The following CNTN5 variants were observed in gnomAD, a reference collection of about 807,000 sequenced individuals.
CNTN5 encodes contactin 5, also known as contactin-5.
Under a neutral mutation model 129.1 loss-of-function variants are expected in CNTN5, and 77 were observed. The ratio of observed to expected loss-of-function variants is 0.60; its 90% CI spans 0.50 to 0.72. The LOEUF is 0.72. Ranked by LOEUF, CNTN5 falls within the 30% of genes least tolerant of loss-of-function variation. CNTN5 has a pLI of 0.00. For missense variants in CNTN5, 1,478 were observed against 1,328.8 expected, an observed-to-expected ratio of 1.11 and a Z score of -1.75; for synonymous variants, 509 against 465.6, an observed-to-expected ratio of 1.09 and a Z score of -1.20.
At chr11:99,849,326 G>C (rs968028965) in intron 6 of CNTN5, among the ~76,000 whole-genome samples, 2 of 151,192 alleles carry the variant, frequency 1.3e-5, no homozygotes, top group Admixed American at 6.6e-5. Context: ...AAGTCACATG[G>C]CTTTTTGCAG....
chr11:99,789,956 G>T (rs1161329445), intron 3 of CNTN5, among the ~76,000 whole-genome samples: 2 of 151,892 alleles, frequency 1.3e-5, no homozygotes, highest in Admixed American at 1.3e-4. Flanking sequence ...AATCTGAAGT[G>T]TCTTTTGTTG....
chr11:99,432,454 T>TC (rs1474261010), intron 2 of CNTN5, among the ~76,000 whole-genome samples: 1 of 118,204 alleles, frequency 8.5e-6, no homozygotes, highest in African/African-American at 3.1e-5. Flanking sequence ...TCTTTTCTTT[T>TC]CTTTTCTTTC....
intron 10 of CNTN5, among the ~76,000 whole-genome samples, chr11:100,062,336 A>G (rs1943519049): frequency 6.6e-6 from 1 of 152,198 alleles, no homozygotes; most frequent in African/African-American, 2.4e-5. Context: ...AGGAACTCCT[A>G]AAGAGTATTT....
rs762957493 is a variant in CNTN5 at position 100,356,110 on chromosome 11, T to C, written c.3200-7T>C. 1.3e-6 allele frequency: 2 copies of C among 1,599,198 alleles called. No individual in the cohort carries two copies. Among genetic ancestry groups the C allele is most frequent in the African/African-American group, 2.7e-5 (2 of 74,526 alleles). The stretch of plus-strand genomic sequence containing the variant: ...ATTTGCTCCATTTGATGCTTCTTTT[T>C]TCACAGGTGGAAAAATCACAAGTGC... On this transcript the variant is annotated splice_region_variant and splice_polypyrimidine_tract_variant and intron_variant, in intron 24 of 24. Transcript: ENST00000524871.
intron 17 of CNTN5, among the ~76,000 whole-genome samples, chr11:100,258,284 T>C (rs7925147): frequency 0.68 from 103,797 of 151,962 alleles, 36,336 homozygotes; most frequent in East Asian, 0.92. Flanking sequence ...AATATGGCAC[T>C]ATGTGAAAAG....
At position 99,246,378 on chromosome 11, in the gene CNTN5, T is replaced by C. The variant is rs551191279; in HGVS notation, c.-209-78968T>C. On this transcript the variant is annotated intron_variant, in intron 1 of 24. Transcript: ENST00000524871. Reference sequence around the variant, plus strand: ...CTGTGAGCCAGCAGACCCTGGAAAATTGGCATACTAACTGTGTGATCAAGT... The same window carrying C: ...CTGTGAGCCAGCAGACCCTGGAAAACTGGCATACTAACTGTGTGATCAAGT... 5.9e-5 allele frequency among the ~76,000 whole-genome samples: 9 copies of C among 152,250 alleles called. No homozygotes were observed. The South Asian group carries it at 1.2e-3, about 21-fold the overall frequency.
At chr11:99,329,751 C>T (rs893280536) in intron 2 of CNTN5, among the ~76,000 whole-genome samples, 1 of 152,206 alleles carries the variant, frequency 6.6e-6, no homozygotes, top group South Asian at 2.1e-4. Context: ...AGGATTGACT[C>T]TGTGCTGTAA....
chr11:99,763,955 A>G (rs1168418925), intron 3 of CNTN5, among the ~76,000 whole-genome samples: 1 of 152,064 alleles, frequency 6.6e-6, no homozygotes, highest in Non-Finnish European at 1.5e-5. Context: ...TTGTTCACAT[A>G]TTTTTAAAAT....
chr11:100,206,310 A>G (rs4468315), intron 15 of CNTN5, among the ~76,000 whole-genome samples: 10,570 of 152,126 alleles, frequency 0.069, 569 homozygotes, highest in East Asian at 0.32. Flanking sequence ...TGTCTACTAA[A>G]TCCCAATAAT....
chr11:99,655,758 C>T (rs770813329), intron 3 of CNTN5, among the ~76,000 whole-genome samples: 12 of 151,946 alleles, frequency 7.9e-5, no homozygotes, highest in Non-Finnish European at 1.5e-4. Flanking sequence ...GATGTATATA[C>T]GCACACACAT....
At chr11:100,257,757 A>G (rs191231809) in intron 17 of CNTN5, among the ~76,000 whole-genome samples, 110 of 152,308 alleles carry the variant, frequency 7.2e-4, no homozygotes, top group African/African-American at 1.9e-3. Flanking sequence ...TAACAAAAAG[A>G]ATGTCCACAC....
intron 6 of CNTN5, among the ~76,000 whole-genome samples, chr11:99,893,029 T>C (rs571843157): frequency 6.6e-6 from 1 of 152,142 alleles, no homozygotes; most frequent in African/African-American, 2.4e-5. Context: ...GGAGGAAGAA[T>C]AGAATCTTTT....
At chr11:99,521,057 A>G (rs1292020075) in intron 2 of CNTN5, among the ~76,000 whole-genome samples, 1 of 152,156 alleles carries the variant, frequency 6.6e-6, no homozygotes, top group Non-Finnish European at 1.5e-5. Flanking sequence ...AATTTAGAAG[A>G]GCCAGAACCA....
chr11:100,009,203 C>T lies in CNTN5; in HGVS notation c.980+7067C>T, dbSNP rs142563716. 2.9e-3 allele frequency among the ~76,000 whole-genome samples: 448 copies of T among 152,090 alleles called. 3 individuals are homozygous for T. The highest frequency in any genetic ancestry group is 9.9e-3 in the African/African-American group (409 of 41,518). ...AACCTCTACTTAAATCTGAATTTAG[C>T]GAAAATTCAGATGTTTTCTCTACAG... On this transcript the variant is annotated intron_variant, in intron 9 of 24. Transcript: ENST00000524871.
chr11:100,294,480 G>GTATCCACA (rs1951062691), intron 18 of CNTN5, among the ~76,000 whole-genome samples: 1 of 151,642 alleles, frequency 6.6e-6, no homozygotes, highest in Non-Finnish European at 1.5e-5. Context: ...TCCACTAATG[G>GTATCCACA]ATGAGCTTTG....
intron 1 of CNTN5, among the ~76,000 whole-genome samples, chr11:99,213,374 GTATA>G (rs750396360): frequency 9.7e-6 from 1 of 103,542 alleles, no homozygotes; most frequent in Non-Finnish European, 2.0e-5. Flanking sequence ...ATGTATATAT[GTATA>G]TACATATATA....
At chr11:99,772,550 C>A (rs1355780613) in intron 3 of CNTN5, among the ~76,000 whole-genome samples, 1 of 152,028 alleles carries the variant, frequency 6.6e-6, no homozygotes, top group Non-Finnish European at 1.5e-5. Context: ...TTCACTGATA[C>A]TGCAGCTCAC....
intron 15 of CNTN5, among the ~76,000 whole-genome samples, chr11:100,202,212 A>G (rs539632589): frequency 1.1e-4 from 16 of 152,140 alleles, no homozygotes; most frequent in Admixed American, 9.2e-4. Context: ...GAACTCCAAT[A>G]CATTATCATT....
In CNTN5 at chr11:99,927,248, C is replaced by T. The variant is rs562406877; in HGVS notation, c.673+11099C>T. ...CTGTTTTATAAGTAAGTTATTGTTA[C>T]CACCACATTGCAAATGGTAATATTG... On this transcript the variant is annotated intron_variant, in intron 7 of 24. Coordinates refer to ENST00000524871, the MANE Select transcript of CNTN5 (RefSeq NM_014361.4). Among the ~76,000 whole-genome samples the T allele has an allele frequency of 6.9e-4, 105 of 152,200 alleles. 2 individuals are homozygous for T. In the South Asian group the frequency reaches 0.022, roughly 31 times the overall value.
Sources: allele counts gnomAD v4.1 joint callset (sites outside exome capture counted in the v4.1 genomes callset), GRCh38; gene constraint gnomAD v4.1.1; transcripts MANE v1.5; gene names NCBI Gene and HGNC (gene_info 2026-07-23, HGNC 2026-07-21).